The following TGFB2 variants were observed in gnomAD, a reference collection of about 807,000 sequenced individuals.
TGFB2 encodes the protein transforming growth factor beta-2 proprotein.
In TGFB2, 13 loss-of-function variants were observed where a neutral mutation model predicts 42.7. That is an observed-to-expected ratio of 0.30 (90% CI 0.20 to 0.48). The LOEUF (loss-of-function observed/expected upper bound fraction) is 0.48. TGFB2 is among the 20% of genes least tolerant of loss of function. The pLI, the probability that TGFB2 is intolerant of heterozygous loss-of-function variation, is 0.99. For synonymous variants in TGFB2, 193 were observed against 193.6 expected, an observed-to-expected ratio of 1.00 and a Z score of 0.03; for missense variants, 390 against 517.5, an observed-to-expected ratio of 0.75 and a Z score of 2.39.
At chr1:218,407,448 C>T (rs1006582690) in intron 2 of TGFB2, among the ~76,000 whole-genome samples, 4 of 152,182 alleles carry the variant, frequency 2.6e-5, no homozygotes. Context: ...AATAGGCCCT[C>T]GAGAACCTGT....
At chr1:218,424,298 A>G (rs1029367005) in intron 2 of TGFB2, among the ~76,000 whole-genome samples, 3 of 152,262 alleles carry the variant, frequency 2.0e-5, no homozygotes, top group African/African-American at 7.2e-5. Context: ...TAGCTTATAC[A>G]TTGAATAGCA....
chr1:218,441,018 T>C (rs1448318719), intron 6 of TGFB2, among the ~76,000 whole-genome samples, 186 bp from the exon 7 acceptor site: 1 of 152,216 alleles, frequency 6.6e-6, no homozygotes, highest in Non-Finnish European at 1.5e-5. Flanking sequence ...GGGAAAATAA[T>C]GACTTTGGTG....
chr1:218,405,353 T>C, intron 2 of TGFB2, 21 bp downstream of exon 2: 1 of 1,611,470 alleles, frequency 6.2e-7, no homozygotes. Flanking sequence ...TTTGTTGTTG[T>C]TGTTGTTGTT....
Position 218,346,726 on chromosome 1 carries a change from T to C in TGFB2, c.25T>C (p.Phe9Leu). 1 of 1,613,508 alleles carries C rather than the reference T, an allele frequency of 6.2e-7. No individual in the cohort carries two copies. Among genetic ancestry groups the C allele is most frequent in the Non-Finnish European group, 8.5e-7 (1 of 1,179,888 alleles). ...AATGCACTACTGTGTGCTGAGCGCT[T>C]TTCTGATCCTGCATCTGGTCACGGT... The part of the protein sequence containing the change: MHYCVLSA[F>L]LILHLVTVAL... Residue 9 changes from phenylalanine (F) to leucine (L), a missense_variant, in exon 1 of 7, where the codon TTT becomes CTT. Physicochemically the swap from Phe to Leu is conservative, Grantham distance 22 (BLOSUM62 0). Transcript: ENST00000366930. The surrounding 1 kb of genome is among the most constrained non-coding windows in gnomAD (Gnocchi z 4.9).
intron 1 of TGFB2, among the ~76,000 whole-genome samples, chr1:218,390,681 A>G (rs756449629): frequency 3.9e-4 from 59 of 152,188 alleles, no homozygotes; most frequent in Non-Finnish European, 7.5e-4. Flanking sequence ...TCTTCCTCTC[A>G]CAAACAGTGG....
chr1:218,362,435 T>C (rs914398486), intron 1 of TGFB2, among the ~76,000 whole-genome samples: 4 of 152,220 alleles, frequency 2.6e-5, no homozygotes, highest in Admixed American at 6.5e-5. Context: ...GTTTTAAATA[T>C]ATCATCTCAT....
At chr1:218,394,917 C>T (rs1658447337) in intron 1 of TGFB2, among the ~76,000 whole-genome samples, 1 of 151,990 alleles carries the variant, frequency 6.6e-6, no homozygotes, top group Admixed American at 6.6e-5. Flanking sequence ...AGTTTATTGC[C>T]CTCCAACCAC....
At chr1:218,394,940 T>C (rs1296866597) in intron 1 of TGFB2, among the ~76,000 whole-genome samples, 1 of 152,116 alleles carries the variant, frequency 6.6e-6, no homozygotes, top group African/African-American at 2.4e-5. Flanking sequence ...GGTGGGTTGC[T>C]TGTCTTGCCA....
At chr1:218,432,780 G>A (rs1007742512) in intron 2 of TGFB2, among the ~76,000 whole-genome samples, 1 of 152,108 alleles carries the variant, frequency 6.6e-6, no homozygotes, top group Admixed American at 6.5e-5. Flanking sequence ...CAAGCCCATA[G>A]GTATGGAATG....
At chr1:218,435,109 AG>A (rs1659929311) in intron 4 of TGFB2, among the ~76,000 whole-genome samples, 2 of 152,300 alleles carry the variant, frequency 1.3e-5, no homozygotes, top group African/African-American at 4.8e-5. Flanking sequence ...GGATGATGAG[AG>A]GTGAGAGGAA....
chr1:218,399,083 C>T (rs1395656719), intron 1 of TGFB2, among the ~76,000 whole-genome samples: 4 of 152,098 alleles, frequency 2.6e-5, no homozygotes, highest in Non-Finnish European at 4.4e-5. Flanking sequence ...GGGGTCTTGT[C>T]TTGCTTTGTT....
At chr1:218,418,263 G>C (rs933375299) in intron 2 of TGFB2, among the ~76,000 whole-genome samples, 1 of 152,218 alleles carries the variant, frequency 6.6e-6, no homozygotes, top group South Asian at 2.1e-4. Context: ...TTGCATCAGC[G>C]TGACCTGGAC....
At chr1:218,428,637 G>A (rs1376560944) in intron 2 of TGFB2, among the ~76,000 whole-genome samples, 1 of 152,194 alleles carries the variant, frequency 6.6e-6, no homozygotes, top group East Asian at 1.9e-4. Flanking sequence ...TCAAAGATCA[G>A]ATGGTCGTAG....
intron 1 of TGFB2, among the ~76,000 whole-genome samples, chr1:218,394,113 G>A (rs980720981): frequency 8.6e-5 from 13 of 152,036 alleles, no homozygotes; most frequent in South Asian, 2.1e-4. Context: ...GTTTCACTGC[G>A]TTAGCCAGGA....
intron 1 of TGFB2, among the ~76,000 whole-genome samples, chr1:218,395,873 C>T (rs1313321731): frequency 7.2e-5 from 11 of 152,168 alleles, no homozygotes; most frequent in Non-Finnish European, 1.6e-4. Context: ...CTCGGCCTCC[C>T]AAAGTGCTGG....
chr1:218,382,498 C>T (rs1014496431), intron 1 of TGFB2, among the ~76,000 whole-genome samples: 29 of 152,148 alleles, frequency 1.9e-4, no homozygotes, highest in African/African-American at 5.6e-4. Flanking sequence ...TCCAGGCGCT[C>T]GCTGATGTGA....
chr1:218,425,332 C>G (rs11466401), intron 2 of TGFB2, among the ~76,000 whole-genome samples: 3,467 of 152,142 alleles, frequency 0.023, 47 homozygotes, highest in African/African-American at 0.043. Context: ...CTCAGCCTCC[C>G]GAGTAGCTGG....
intron 2 of TGFB2, among the ~76,000 whole-genome samples, chr1:218,424,739 G>T (rs954995271): frequency 2.6e-5 from 4 of 152,220 alleles, no homozygotes; most frequent in African/African-American, 9.6e-5. Flanking sequence ...TTGTGAATAA[G>T]AACAAAGGTT....
At chr1:218,371,723 C>G (rs1044848858) in intron 1 of TGFB2, among the ~76,000 whole-genome samples, 1 of 152,194 alleles carries the variant, frequency 6.6e-6, no homozygotes, top group African/African-American at 2.4e-5. Context: ...ATGTTGTCCA[C>G]AATAAGAATT....
Sources: gnomAD v4.1 joint callset for allele counts (sites outside exome capture counted in the v4.1 genomes callset) on GRCh38, gnomAD v4.1.1 for gene constraint, Gnocchi (gnomAD v3.1) non-coding constraint, MANE v1.5 for transcripts, NCBI Gene and HGNC (gene_info 2026-07-23, HGNC 2026-07-21) for gene names.